MAD1L1: variants seen among roughly 807,000 people sequenced by gnomAD.
The protein encoded by MAD1L1 is mitotic arrest deficient 1 like 1, also known as mitotic spindle assembly checkpoint protein MAD1.
A neutral mutation model predicts 96.9 loss-of-function variants in MAD1L1; 95 were observed. The observed-to-expected ratio is 0.98, with a 90% CI of 0.83 to 1.16. The LOEUF (loss-of-function observed/expected upper bound fraction) is 1.16. Among genes scored for constraint, MAD1L1 ranks in the 50% most tolerant of loss-of-function variants. MAD1L1 has a pLI of 0.00. For missense variants in MAD1L1, 1,007 were observed against 954.4 expected, an observed-to-expected ratio of 1.06 and a Z score of -0.73; for synonymous variants, 473 against 396.6, an observed-to-expected ratio of 1.19 and a Z score of -2.29.
At chr7:2,176,559 CA>C (rs919661265) in intron 10 of MAD1L1, among the ~76,000 whole-genome samples, 3 of 151,196 alleles carry the variant, frequency 2.0e-5, no homozygotes, top group Non-Finnish European at 4.4e-5. Context: ...TATTTTTATA[CA>C]AAAAAAGCCT....
chr7:2,038,676 C>G (rs1260023835), intron 12 of MAD1L1, among the ~76,000 whole-genome samples: 1 of 151,814 alleles, frequency 6.6e-6, no homozygotes, highest in African/African-American at 2.4e-5. Flanking sequence ...CCACGCCTCA[C>G]TAATTTTTTG....
At chr7:2,211,718 C>T (rs1170153407) in intron 10 of MAD1L1, among the ~76,000 whole-genome samples, 1 of 152,196 alleles carries the variant, frequency 6.6e-6, no homozygotes, top group Non-Finnish European at 1.5e-5. Context: ...CAGCCCGGGC[C>T]GTGCTCTGAC....
rs940617151 is a variant in MAD1L1 at position 1,891,895 on chromosome 7, GAAGAA to G, written c.1998+6300_1998+6304del. Among the ~76,000 whole-genome samples, 12 of 152,106 alleles carry G rather than the reference GAAGAA, an allele frequency of 7.9e-5. No individual in the cohort carries two copies. In the South Asian group the frequency reaches 2.1e-3, roughly 26 times the overall value. ...TGTGCCCAGCCATTCATTTATTATT[GAAGAA>G]AAGAACAGTATTTTTAATAGTTGAG... On this transcript the variant is annotated intron_variant, in intron 18 of 18. Transcript: ENST00000265854.
intron 18 of MAD1L1, among the ~76,000 whole-genome samples, chr7:1,841,891 G>C (rs4721098): frequency 0.83 from 126,031 of 152,148 alleles, 52,603 homozygotes; most frequent in African/African-American, 0.93. Context: ...TGCTGGGAAT[G>C]AGGTGCTCCC....
chr7:2,047,350 C>G (rs1048492673), intron 12 of MAD1L1, among the ~76,000 whole-genome samples: 1 of 152,240 alleles, frequency 6.6e-6, no homozygotes, highest in Non-Finnish European at 1.5e-5. Flanking sequence ...TCTGGAAGAA[C>G]CTCCCTTCCT....
chr7:2,130,476 C>A (rs1463949498), intron 11 of MAD1L1, among the ~76,000 whole-genome samples: 1 of 152,164 alleles, frequency 6.6e-6, no homozygotes, highest in Non-Finnish European at 1.5e-5. Flanking sequence ...TGCGGCAGGT[C>A]TGGGAAAGGA....
intron 1 of MAD1L1, among the ~76,000 whole-genome samples, chr7:2,232,097 A>G (rs1350384426): frequency 6.6e-6 from 1 of 152,188 alleles, no homozygotes; most frequent in African/African-American, 2.4e-5. Context: ...CGCAGTAAAG[A>G]ACTTTGCACC....
intron 16 of MAD1L1, among the ~76,000 whole-genome samples, chr7:1,956,993 G>A (rs904581388): frequency 1.3e-5 from 2 of 152,234 alleles, no homozygotes; most frequent in Non-Finnish European, 2.9e-5. Context: ...CACCCAGAAA[G>A]ACGTTCAGCA....
chr7:2,061,664 C>T (rs1196696629), intron 12 of MAD1L1, among the ~76,000 whole-genome samples: 1 of 152,246 alleles, frequency 6.6e-6, no homozygotes, highest in African/African-American at 2.4e-5. Flanking sequence ...TGGGCATGCC[C>T]AGCGCAAGGG....
chr7:1,981,682 C>T lies in MAD1L1; in HGVS notation c.1417-1141G>A, dbSNP rs184329339. On this transcript the variant is annotated intron_variant, in intron 14 of 18. Coordinates refer to ENST00000265854, the MANE Select transcript of MAD1L1 (RefSeq NM_001013836.2). ...AGGTGCCAGCAGGTACCACGGCAGC[C>T]GGAGGCCCCCAGCAGTGAAGCTGCA... Among the ~76,000 whole-genome samples the T allele has an allele frequency of 3.6e-4, 55 of 152,260 alleles. 1 individual carries two copies. In the East Asian group the frequency reaches 0.01, roughly 28 times the overall value.
chr7:2,038,093 C>G (rs191634116), intron 12 of MAD1L1, among the ~76,000 whole-genome samples: 12 of 152,136 alleles, frequency 7.9e-5, no homozygotes, highest in Non-Finnish European at 1.2e-4. Flanking sequence ...ATTGCTGATA[C>G]GGAGAAGTCT....
At chr7:2,099,309 G>A (rs989637549) in intron 11 of MAD1L1, among the ~76,000 whole-genome samples, 1 of 152,220 alleles carries the variant, frequency 6.6e-6, no homozygotes, top group Non-Finnish European at 1.5e-5. Context: ...GAGGGTGCAG[G>A]TCAGGTGCTC....
At chr7:1,962,818 A>C (rs1041713288) in intron 15 of MAD1L1, among the ~76,000 whole-genome samples, 3 of 152,168 alleles carry the variant, frequency 2.0e-5, no homozygotes, top group Admixed American at 2.0e-4. Flanking sequence ...GTGGTGGTGC[A>C]CACCTGTAGT....
At position 2,053,660 on chromosome 7, in the gene MAD1L1, T is replaced by C. The variant is rs545712217; in HGVS notation, c.1218+15534A>G. The stretch of plus-strand genomic sequence containing the variant: ...AGCCAGGGCCTGGGGACACGGGTTA[T>C]GGGGGTGCCCCAGGCCAACAGGGTA... On this transcript the variant is annotated intron_variant, in intron 12 of 18. Coordinates refer to ENST00000265854, the MANE Select transcript of MAD1L1 (RefSeq NM_001013836.2). Among the ~76,000 whole-genome samples the C allele has an allele frequency of 3.0e-4, 45 of 152,238 alleles. No homozygotes were observed. The South Asian group carries it at 7.5e-3, about 25-fold the overall frequency.
intron 17 of MAD1L1, among the ~76,000 whole-genome samples, chr7:1,918,986 G>T (rs1788599977): frequency 6.6e-6 from 1 of 152,182 alleles, no homozygotes; most frequent in Admixed American, 6.5e-5. Flanking sequence ...GGTCACCCCA[G>T]GCTCTGGCGG....
At chr7:2,209,264 G>A (rs1278325937) in intron 10 of MAD1L1, among the ~76,000 whole-genome samples, 1 of 152,158 alleles carries the variant, frequency 6.6e-6, no homozygotes. Flanking sequence ...TGGGGAAGAG[G>A]GTGACCAGGC....
At chr7:1,908,435 G>A (rs1461572312) in intron 17 of MAD1L1, among the ~76,000 whole-genome samples, 4 of 152,172 alleles carry the variant, frequency 2.6e-5, no homozygotes, top group Non-Finnish European at 5.9e-5. Context: ...AGGCTGGAGT[G>A]CAGTGGCGCG....
At chr7:2,155,073 G>A (rs958787236) in intron 10 of MAD1L1, among the ~76,000 whole-genome samples, 11 of 152,180 alleles carry the variant, frequency 7.2e-5, no homozygotes, top group African/African-American at 1.4e-4. Flanking sequence ...CACGGGAGCC[G>A]GAGAGCCGCT....
At chr7:1,964,417 C>A (rs1051536516) in intron 15 of MAD1L1, among the ~76,000 whole-genome samples, 2 of 152,246 alleles carry the variant, frequency 1.3e-5, no homozygotes, top group African/African-American at 4.8e-5. Flanking sequence ...ACAGCAAGCC[C>A]ACATGCGGGC....
Sources: gnomAD v4.1 joint callset for allele counts (sites outside exome capture counted in the v4.1 genomes callset) on GRCh38, gnomAD v4.1.1 for gene constraint, MANE v1.5 for transcripts, NCBI Gene and HGNC (gene_info 2026-07-23, HGNC 2026-07-21) for gene names.